SAMHD1: variants seen among roughly 807,000 people sequenced by gnomAD.
The protein encoded by SAMHD1 is deoxynucleoside triphosphate triphosphohydrolase SAMHD1.
SAMHD1 carries 54 observed loss-of-function variants against 79.6 expected under a neutral mutation model. The ratio of observed to expected loss-of-function variants is 0.68; its 90% CI spans 0.55 to 0.85. The LOEUF is 0.85. Among genes scored for constraint, SAMHD1 ranks in the 40% least tolerant of loss-of-function variants. SAMHD1 has a pLI of 0.00. For synonymous variants in SAMHD1, 260 were observed against 264.1 expected, an observed-to-expected ratio of 0.98 and a Z score of 0.15; for missense variants, 663 against 782.7, an observed-to-expected ratio of 0.85 and a Z score of 1.82.
intron 1 of SAMHD1, among the ~76,000 whole-genome samples, chr20:36,949,821 C>A (rs569515318): frequency 1.4e-5 from 2 of 145,384 alleles, no homozygotes; most frequent in East Asian, 4.0e-4. Flanking sequence ...TGATAAAGGA[C>A]GGGCAAGCAG....
At chr20:36,893,916 G>C (rs1302989246) in intron 15 of SAMHD1, 1 of 398,586 alleles carries the variant, frequency 2.5e-6, no homozygotes, top group Non-Finnish European at 4.4e-6. Flanking sequence ...TCAGTGGGAG[G>C]CTCTGGTGGG....
chr20:36,951,341 G>A, intron 1 of SAMHD1, 95 bp downstream of exon 1: 1 of 1,557,642 alleles, frequency 6.4e-7, no homozygotes. Flanking sequence ...CTCGCTCCTC[G>A]GCCTCGGTCC....
chr20:36,911,309 T>C lies in SAMHD1; in HGVS notation c.1179A>G (p.Ala393=). The C allele has an allele frequency of 6.2e-7, 1 of 1,611,886 alleles. No individual in the cohort carries two copies. Among genetic ancestry groups the C allele is most frequent in the Non-Finnish European group, 8.5e-7 (1 of 1,179,300 alleles). The change falls in exon 11 of 16, where the codon GCA becomes GCG. Residue 393 remains alanine (A), a synonymous_variant. Coordinates refer to ENST00000646673, the MANE Select transcript of SAMHD1 (RefSeq NM_015474.4). ...DTMITDAFLK[A]DDYIEITGAG... The stretch of plus-strand genomic sequence containing the variant: ...CACCTGTAATCTCTATGTAGTCATC[T>C]GCTTTGAGGAAAGCATCTGTAATCC...
intron 13 of SAMHD1, among the ~76,000 whole-genome samples, chr20:36,898,910 C>CA (rs57902699): frequency 0.017 from 1,190 of 68,890 alleles, 14 homozygotes; most frequent in East Asian, 0.054. Context: ...GACTCTGACT[C>CA]AAAAAAAAAA....
chr20:36,906,626 AT>A (rs942328107), intron 11 of SAMHD1, among the ~76,000 whole-genome samples: 2 of 152,062 alleles, frequency 1.3e-5, no homozygotes, highest in African/African-American at 4.8e-5. Flanking sequence ...TAAAACAATG[AT>A]TTTTTAATGT....
At chr20:36,922,147 T>C (rs1309979094) in intron 6 of SAMHD1, among the ~76,000 whole-genome samples, 1 of 152,088 alleles carries the variant, frequency 6.6e-6, no homozygotes. Context: ...GAAGAATTGC[T>C]CCAGATCAAA....
rs1486488234 is a variant in SAMHD1, at chr20:36,930,825, G to C, written c.560C>G (p.Pro187Arg). 1.2e-6 allele frequency: 2 copies of C among 1,613,934 alleles called. No individual in the cohort carries two copies. The highest frequency in any genetic ancestry group is 1.7e-6 in the Non-Finnish European group (2 of 1,179,970). ...CLVHALGEKQ[P>R]ELQISERDVL... ...ATCTCGTTCACTTATCTGCAGCTCTGGTTGTTTTTCACCCAGTGCGTGAAC... is the reference window on the plus strand; with the variant it reads ...ATCTCGTTCACTTATCTGCAGCTCTCGTTGTTTTTCACCCAGTGCGTGAAC... The change falls in exon 5 of 16, where the codon CCA (proline) becomes CGA (arginine). Residue 187 changes from proline (P) to arginine (R), a missense_variant. Coordinates refer to ENST00000646673, the MANE Select transcript of SAMHD1 (RefSeq NM_015474.4).
chr20:36,894,465 T>TCGTGATCCGCC (rs1990160131), intron 15 of SAMHD1, among the ~76,000 whole-genome samples: 2 of 151,974 alleles, frequency 1.3e-5, no homozygotes, highest in Non-Finnish European at 2.9e-5. Flanking sequence ...ACTCCTGACC[T>TCGTGATCCGCC]CAGTAAAGGC....
intron 3 of SAMHD1, among the ~76,000 whole-genome samples, chr20:36,937,966 T>C (rs181774829): frequency 1.6e-4 from 25 of 151,882 alleles, no homozygotes; most frequent in African/African-American, 5.8e-4. Flanking sequence ...TCAGGTGATT[T>C]TCCTATATCA....
chr20:36,941,135 A>C (rs1211615070), intron 2 of SAMHD1, 24 bp from the exon 3 acceptor site: 1 of 1,510,712 alleles, frequency 6.6e-7, no homozygotes, highest in East Asian at 2.3e-5. Flanking sequence ...AGGATAAGCA[A>C]GTCTATCATT....
intron 11 of SAMHD1, among the ~76,000 whole-genome samples, chr20:36,906,018 G>T (rs1354882438): frequency 6.6e-6 from 1 of 152,116 alleles, no homozygotes; most frequent in Non-Finnish European, 1.5e-5. Context: ...TTTACTTCCA[G>T]GTAATCCAGA....
At chr20:36,937,012 G>C (rs191784926) in intron 3 of SAMHD1, among the ~76,000 whole-genome samples, 23 of 151,974 alleles carry the variant, frequency 1.5e-4, no homozygotes, top group African/African-American at 5.1e-4. Context: ...GTGGTGGTGG[G>C]CGTCTGTTAT....
chr20:36,910,049 C>T (rs2063428012), intron 11 of SAMHD1, among the ~76,000 whole-genome samples: 1 of 151,730 alleles, frequency 6.6e-6, no homozygotes, highest in Non-Finnish European at 1.5e-5. Flanking sequence ...AAGGTGAAAC[C>T]CCATCTCTAC....
chr20:36,942,211 C>T (rs2063649771), intron 2 of SAMHD1, among the ~76,000 whole-genome samples: 1 of 152,102 alleles, frequency 6.6e-6, no homozygotes, highest in Non-Finnish European at 1.5e-5. Context: ...AGGTTGGGAG[C>T]TCGAGACAAG....
Position 36,904,456 on chromosome 20 carries a change from C to T in SAMHD1, c.1411-207G>A, listed in dbSNP as rs1047817907. 1.3e-4 allele frequency: 67 copies of T among 518,672 alleles called. 1 individual carries two copies. Among genetic ancestry groups the T allele is most frequent in the South Asian group, 1.2e-3 (62 of 50,552 alleles). The allele number at this position is 518,672 out of a possible 1,614,324, so 32.1% of individuals were successfully genotyped here. ...AAAAGTGGCCAGGCGCAGTGGCTCA[C>T]GTCTATAATCCCAGCACTTTGGGAG... On this transcript the variant is annotated intron_variant, in intron 12 of 15. Coordinates refer to ENST00000646673, the MANE Select transcript of SAMHD1 (RefSeq NM_015474.4).
intron 5 of SAMHD1, among the ~76,000 whole-genome samples, chr20:36,927,760 T>A (rs1185647907): frequency 1.3e-5 from 2 of 152,158 alleles, no homozygotes; most frequent in Admixed American, 6.6e-5. Context: ...AAAAGTAAGC[T>A]CTCCATCGAG....
chr20:36,944,783 ACT>A (rs942076490), intron 2 of SAMHD1, among the ~76,000 whole-genome samples: 4 of 152,088 alleles, frequency 2.6e-5, no homozygotes, highest in African/African-American at 9.7e-5. Context: ...AATCCCAGCT[ACT>A]CGGGAGGCTG....
At position 36,935,104 on chromosome 20, in the gene SAMHD1, C is replaced by G. The variant is rs515726145; in HGVS notation, c.434G>C (p.Arg145Pro). 3 of 1,613,948 alleles carry G rather than the reference C, an allele frequency of 1.9e-6. No individual in the cohort carries two copies. Among genetic ancestry groups the G allele is most frequent in the Non-Finnish European group, 2.5e-6 (3 of 1,179,904 alleles). Reference sequence around the variant, plus strand: ...ACCACCTCCCAGCTGTTTGATGTATCGAAGACGTTGAAATTGAGGTGTATC... The same window carrying G: ...ACCACCTCCCAGCTGTTTGATGTATGGAAGACGTTGAAATTGAGGTGTATC... ...IIDTPQFQRL[R>P]YIKQLGGGYY... Residue 145 changes from arginine to proline, a missense_variant, in exon 4 of 16, where the codon CGA becomes CCA. By Grantham distance (103) the Arg-to-Pro change is moderately radical. Coordinates refer to ENST00000646673, the MANE Select transcript of SAMHD1 (RefSeq NM_015474.4).
intron 2 of SAMHD1, among the ~76,000 whole-genome samples, chr20:36,944,882 A>G (rs1251593687): frequency 1.3e-5 from 2 of 152,202 alleles, no homozygotes; most frequent in Non-Finnish European, 2.9e-5. Flanking sequence ...CAACAAAAGC[A>G]AAACTCCGCT....
Sources: allele counts gnomAD v4.1 joint callset (sites outside exome capture counted in the v4.1 genomes callset), GRCh38; gene constraint gnomAD v4.1.1; transcripts MANE v1.5; gene names NCBI Gene and HGNC (gene_info 2026-07-23, HGNC 2026-07-21).